AGBL1: variants seen among roughly 807,000 people sequenced by gnomAD.
AGBL1 encodes AGBL carboxypeptidase 1.
Under a neutral mutation model 118.9 loss-of-function variants are expected in AGBL1, and 130 were observed. The ratio of observed to expected loss-of-function variants is 1.09; its 90% CI spans 0.95 to 1.26. AGBL1 has a LOEUF of 1.26. Ranked by LOEUF, AGBL1 falls within the 50% of genes most tolerant of loss-of-function variation. AGBL1 has a pLI of 0.00. For missense variants in AGBL1, 1,584 were observed against 1,298.1 expected (o/e 1.22, Z -3.38); for synonymous variants, 555 against 478.9 (o/e 1.16, Z -2.08).
chr15:86,305,725 A>G (rs982890315), intron 17 of AGBL1, among the ~76,000 whole-genome samples: 1 of 152,190 alleles, frequency 6.6e-6, no homozygotes, highest in Non-Finnish European at 1.5e-5. Context: ...GCACACACAC[A>G]TGCACACTCA....
At chr15:86,896,717 GTTC>G (rs1484982575) in intron 22 of AGBL1, among the ~76,000 whole-genome samples, 1 of 152,110 alleles carries the variant, frequency 6.6e-6, no homozygotes, top group Admixed American at 6.6e-5. Flanking sequence ...TCATGCATAT[GTTC>G]TTATTTTTAT....
At chr15:87,001,734 T>C (rs1048976350) in intron 24 of AGBL1, among the ~76,000 whole-genome samples, 1 of 152,112 alleles carries the variant, frequency 6.6e-6, no homozygotes, top group Non-Finnish European at 1.5e-5. Flanking sequence ...TGGCCAGTGA[T>C]GATAAGCATT....
At chr15:86,635,012 TGAG>T (rs980201950) in intron 21 of AGBL1, among the ~76,000 whole-genome samples, 3 of 152,196 alleles carry the variant, frequency 2.0e-5, no homozygotes, top group South Asian at 2.1e-4. Context: ...TATTGAAAAA[TGAG>T]GACATTCTGC....
intron 21 of AGBL1, among the ~76,000 whole-genome samples, chr15:86,605,687 A>C (rs1010626750): frequency 4.6e-5 from 7 of 152,150 alleles, no homozygotes; most frequent in African/African-American, 1.7e-4. Flanking sequence ...AGTTGAAGCC[A>C]GGTTTTGATT....
At chr15:86,268,908 C>T (rs1441274338) in intron 13 of AGBL1, among the ~76,000 whole-genome samples, 3 of 152,220 alleles carry the variant, frequency 2.0e-5, no homozygotes, top group Admixed American at 6.5e-5. Flanking sequence ...GGGGCAAAAA[C>T]ATTTTCCTTT....
At chr15:86,810,388 C>A (rs2078771631) in intron 22 of AGBL1, among the ~76,000 whole-genome samples, 2 of 152,106 alleles carry the variant, frequency 1.3e-5, no homozygotes, top group African/African-American at 4.8e-5. Context: ...CCTTCTAGGT[C>A]CAAAGACATG....
intron 22 of AGBL1, among the ~76,000 whole-genome samples, chr15:86,701,971 T>TTTCTCTCCC (rs1430547211): frequency 2.1e-5 from 3 of 143,722 alleles, no homozygotes; most frequent in Non-Finnish European, 4.6e-5. Flanking sequence ...CCCTTCTCAC[T>TTTCTCTCCC]TTCTCTCCCT....
At chr15:86,461,261 GA>G (rs746313693) in intron 18 of AGBL1, among the ~76,000 whole-genome samples, 1 of 152,116 alleles carries the variant, frequency 6.6e-6, no homozygotes, top group Non-Finnish European at 1.5e-5. Context: ...TAGTTTTTAG[GA>G]GAGTGGAACT....
intron 18 of AGBL1, among the ~76,000 whole-genome samples, chr15:86,518,142 T>C (rs992167806): frequency 6.6e-6 from 1 of 152,112 alleles, no homozygotes; most frequent in African/African-American, 2.4e-5. Context: ...TTGAATCCTC[T>C]TGTATTGGGA....
intron 18 of AGBL1, among the ~76,000 whole-genome samples, chr15:86,515,575 A>T (rs963407766): frequency 6.6e-6 from 1 of 152,216 alleles, no homozygotes; most frequent in East Asian, 1.9e-4. Context: ...AATTAAAAAG[A>T]ATTTAAAATT....
At chr15:86,762,395 C>T (rs1243318035) in intron 22 of AGBL1, among the ~76,000 whole-genome samples, 1 of 151,884 alleles carries the variant, frequency 6.6e-6, no homozygotes, top group Non-Finnish European at 1.5e-5. Flanking sequence ...TACCCCCTGC[C>T]CCCTGCAAAA....
At chr15:86,811,509 A>C (rs1290297107) in intron 22 of AGBL1, among the ~76,000 whole-genome samples, 1 of 152,134 alleles carries the variant, frequency 6.6e-6, no homozygotes, top group Non-Finnish European at 1.5e-5. Flanking sequence ...TATATTCCCA[A>C]TGTTCCAACA....
At chr15:86,213,195 T>C (rs150435033) in intron 5 of AGBL1, among the ~76,000 whole-genome samples, 16 of 152,368 alleles carry the variant, frequency 1.1e-4, no homozygotes, top group African/African-American at 3.8e-4. Flanking sequence ...TCCTTAGTTT[T>C]ATTTAGGAAA....
At chr15:87,006,475 A>C (rs931338481) in intron 24 of AGBL1, among the ~76,000 whole-genome samples, 2 of 152,180 alleles carry the variant, frequency 1.3e-5, no homozygotes, top group Non-Finnish European at 2.9e-5. Flanking sequence ...CTCCGTGGGC[A>C]TGGTACCCTC....
At chr15:86,238,492 C>T (rs2078589867) in intron 6 of AGBL1, among the ~76,000 whole-genome samples, 1 of 152,306 alleles carries the variant, frequency 6.6e-6, no homozygotes, top group Admixed American at 6.5e-5. Context: ...AGAAGCAAAC[C>T]TCCCAAGAGT....
At chr15:87,001,070 A>C (rs1480233367) in intron 24 of AGBL1, among the ~76,000 whole-genome samples, 1 of 127,868 alleles carries the variant, frequency 7.8e-6, no homozygotes, top group African/African-American at 3.1e-5. Flanking sequence ...ATTTTTGTAC[A>C]TTGATTTTGT....
intron 22 of AGBL1, among the ~76,000 whole-genome samples, chr15:86,895,488 A>G (rs1308029884): frequency 6.6e-6 from 1 of 151,130 alleles, no homozygotes; most frequent in Non-Finnish European, 1.5e-5. Flanking sequence ...AGTTCTTTTT[A>G]GCAGTGGTTT....
chr15:86,646,512 G>A (rs1458513874), intron 21 of AGBL1, among the ~76,000 whole-genome samples: 1 of 152,084 alleles, frequency 6.6e-6, no homozygotes, highest in African/African-American at 2.4e-5. Flanking sequence ...TGCCTAACCT[G>A]AGAGGAAAGG....
At position 86,214,741 on chromosome 15, in the gene AGBL1, A is replaced by T. The variant is rs148404314; in HGVS notation, c.489-10173A>T. ...GTGAATTTGGAAGTACTTCAAAACCATTTCTCCTTTGCAGAGTCTCTGCTT... is the reference window on the plus strand; with the variant it reads ...GTGAATTTGGAAGTACTTCAAAACCTTTTCTCCTTTGCAGAGTCTCTGCTT... On this transcript the variant is annotated intron_variant, in intron 5 of 22. Coordinates refer to ENST00000614907, the MANE Select transcript of AGBL1 (RefSeq NM_001386094.1). Among the ~76,000 whole-genome samples, 791 of 152,212 alleles carry T rather than the reference A, an allele frequency of 5.2e-3. 4 individuals are homozygous for T. The highest frequency in any genetic ancestry group is 0.012 in the African/African-American group (491 of 41,532).
Sources: allele counts gnomAD v4.1 joint callset (sites outside exome capture counted in the v4.1 genomes callset), GRCh38; gene constraint gnomAD v4.1.1; transcripts MANE v1.5; gene names NCBI Gene and HGNC (gene_info 2026-07-23, HGNC 2026-07-21).